The following FIG4 variants were observed in gnomAD, a reference collection of about 807,000 sequenced individuals.
FIG4 encodes FIG4 phosphoinositide 5-phosphatase.
A neutral mutation model predicts 118.6 loss-of-function variants in FIG4; 112 were observed. That is an observed-to-expected ratio of 0.94 (90% CI 0.81 to 1.11). The LOEUF (loss-of-function observed/expected upper bound fraction) is 1.11, where lower values mean the gene tolerates loss of function less well. Ranked by LOEUF, FIG4 falls within the 50% of genes least tolerant of loss-of-function variation. The pLI is 0.00. For missense variants in FIG4, 969 were observed against 1,111.7 expected (o/e 0.87, Z 1.83); for synonymous variants, 369 against 381.2 (o/e 0.97, Z 0.37).
intron 1 of FIG4, among the ~76,000 whole-genome samples, chr6:109,702,844 T>C (rs913340669): frequency 6.6e-6 from 1 of 152,194 alleles, no homozygotes; most frequent in East Asian, 1.9e-4. Context: ...TAAAAATCTC[T>C]CAACACATTC....
At chr6:109,706,672 T>C (rs1775076095) in intron 1 of FIG4, among the ~76,000 whole-genome samples, 1 of 152,216 alleles carries the variant, frequency 6.6e-6, no homozygotes. Context: ...CTAACACTTA[T>C]TGAGTGTCTT....
chr6:109,748,843 A>C (rs1037856700), intron 10 of FIG4, among the ~76,000 whole-genome samples: 2 of 152,040 alleles, frequency 1.3e-5, no homozygotes, highest in African/African-American at 4.8e-5. Flanking sequence ...TTACCACAAG[A>C]ACGGTATGGG....
intron 1 of FIG4, among the ~76,000 whole-genome samples, chr6:109,713,976 T>C (rs781292480): frequency 2.8e-4 from 42 of 152,102 alleles, no homozygotes; most frequent in Non-Finnish European, 4.7e-4. Flanking sequence ...ACAGTTCCCC[T>C]AGGGCTAAAG....
chr6:109,796,742 C>A, intron 21 of FIG4, 23 bp from the exon 22 acceptor site: 1 of 1,427,022 alleles, frequency 7.0e-7, no homozygotes, highest in Non-Finnish European at 9.9e-7. Flanking sequence ...CTTTAGCTGA[C>A]TCTTATCCAT....
chr6:109,802,863 G>A (rs759982713), intron 22 of FIG4, among the ~76,000 whole-genome samples: 1 of 152,198 alleles, frequency 6.6e-6, no homozygotes, highest in Non-Finnish European at 1.5e-5. Flanking sequence ...GAAGAAAATA[G>A]TAAGAAGCTC....
intron 22 of FIG4, among the ~76,000 whole-genome samples, chr6:109,818,262 G>A (rs891654179): frequency 3.3e-5 from 5 of 151,650 alleles, no homozygotes; most frequent in South Asian, 2.1e-4. Flanking sequence ...GGGCAATGGC[G>A]CGATCTTGGC....
chr6:109,823,041 T>A (rs1225448034), intron 22 of FIG4, among the ~76,000 whole-genome samples: 2 of 151,986 alleles, frequency 1.3e-5, no homozygotes, highest in Non-Finnish European at 2.9e-5. Context: ...AATGCATACA[T>A]TTCTTTAATA....
chr6:109,752,275 T>C (rs1237675607), intron 10 of FIG4, among the ~76,000 whole-genome samples: 1 of 151,594 alleles, frequency 6.6e-6, no homozygotes, highest in African/African-American at 2.4e-5. Flanking sequence ...TCTTTGCTAT[T>C]GTGAATAGTG....
At chr6:109,784,029 G>A (rs557442875) in intron 16 of FIG4, among the ~76,000 whole-genome samples, 3 of 152,102 alleles carry the variant, frequency 2.0e-5, no homozygotes, top group South Asian at 2.1e-4. Context: ...CTTTCCTGTT[G>A]CTTCATAATC....
At chr6:109,719,180 A>G (rs1374366079) in intron 3 of FIG4, among the ~76,000 whole-genome samples, 2 of 152,094 alleles carry the variant, frequency 1.3e-5, no homozygotes, top group African/African-American at 2.4e-5. Context: ...CAGCCTCCCA[A>G]AGTGCTGGGA....
intron 10 of FIG4, among the ~76,000 whole-genome samples, chr6:109,754,979 C>T (rs1776837727): frequency 6.6e-6 from 1 of 152,038 alleles, no homozygotes; most frequent in South Asian, 2.1e-4. Context: ...CTTCTTCTAG[C>T]TTTTGAATGT....
At chr6:109,817,681 G>A (rs935539966) in intron 22 of FIG4, among the ~76,000 whole-genome samples, 7 of 152,112 alleles carry the variant, frequency 4.6e-5, no homozygotes, top group African/African-American at 9.7e-5. Flanking sequence ...TGTGCGTATG[G>A]CAGACTGTCC....
intron 1 of FIG4, among the ~76,000 whole-genome samples, chr6:109,697,640 A>T (rs1168102780): frequency 6.6e-6 from 1 of 152,172 alleles, no homozygotes; most frequent in Non-Finnish European, 1.5e-5. Context: ...TCATTTCTAC[A>T]ATATTCTTAC....
intron 21 of FIG4, among the ~76,000 whole-genome samples, chr6:109,792,878 A>T (rs1778178322): frequency 6.6e-6 from 1 of 151,570 alleles, no homozygotes; most frequent in Non-Finnish European, 1.5e-5. Flanking sequence ...TTTAGTAGAG[A>T]CGGGGTTTCA....
At chr6:109,701,554 A>G (rs1054984370) in intron 1 of FIG4, among the ~76,000 whole-genome samples, 2 of 152,254 alleles carry the variant, frequency 1.3e-5, no homozygotes, top group Admixed American at 1.3e-4. Context: ...GCATGTGTCT[A>G]TTTAGCAGGG....
At chr6:109,815,475 C>CT (rs1778834362) in intron 22 of FIG4, among the ~76,000 whole-genome samples, 1 of 151,240 alleles carries the variant, frequency 6.6e-6, no homozygotes, top group African/African-American at 2.4e-5. Flanking sequence ...TGCCTGGGCT[C>CT]TAACTCCCCA....
chr6:109,780,971 T>A (rs941653358), intron 16 of FIG4, among the ~76,000 whole-genome samples: 14 of 152,240 alleles, frequency 9.2e-5, no homozygotes, highest in Admixed American at 1.3e-4. Context: ...GTCACCAAGA[T>A]GTTTTTAGGT....
chr6:109,713,455 G>T (rs1775331853), intron 1 of FIG4, among the ~76,000 whole-genome samples: 1 of 152,154 alleles, frequency 6.6e-6, no homozygotes, highest in South Asian at 2.1e-4. Flanking sequence ...GCTGGGGAAG[G>T]TCCACTGGCC....
At chr6:109,721,272 C>G (rs1775599896) in intron 3 of FIG4, among the ~76,000 whole-genome samples, 1 of 152,150 alleles carries the variant, frequency 6.6e-6, no homozygotes, top group Non-Finnish European at 1.5e-5. Flanking sequence ...GTAGAGATGT[C>G]ACTTTGGTTC....
Sources: allele counts gnomAD v4.1 joint callset (sites outside exome capture counted in the v4.1 genomes callset), GRCh38; gene constraint gnomAD v4.1.1; transcripts MANE v1.5; gene names NCBI Gene and HGNC (gene_info 2026-07-23, HGNC 2026-07-21).